MRM2: variants seen among roughly 807,000 people sequenced by gnomAD.
The protein encoded by MRM2 is mitochondrial rRNA methyltransferase 2, also known as rRNA methyltransferase 2, mitochondrial.
In MRM2, 15 loss-of-function variants were observed where a neutral mutation model predicts 10.9. The observed-to-expected ratio is 1.37, with a 90% CI of 0.92 to 2.11. The LOEUF (loss-of-function observed/expected upper bound fraction) is 2.11, where lower values mean the gene tolerates loss of function less well. MRM2 is among the 30% of genes most tolerant of loss of function. MRM2 has a pLI of 0.00. For synonymous variants in MRM2, 139 were observed against 128.7 expected (o/e 1.08, Z -0.54); for missense variants, 328 against 321.3 (o/e 1.02, Z -0.16).
At chr7:2,241,415 G>T (rs1178916723) in intron 1 of MRM2, 1 of 151,736 alleles carries the variant, frequency 6.6e-6, no homozygotes, top group African/African-American at 2.4e-5. Context: ...TGAGTAGCTG[G>T]GACTACAGGT....
intron 2 of MRM2, among the ~76,000 whole-genome samples, chr7:2,235,817 A>G (rs1337152117): frequency 1.3e-5 from 2 of 152,222 alleles, no homozygotes; most frequent in Admixed American, 1.3e-4. Context: ...ATCCTCAGCC[A>G]TGGGCAGACC....
chr7:2,242,062 C>A, intron 1 of MRM2, 100 bp downstream of exon 1: 2 of 1,294,788 alleles, frequency 1.5e-6, no homozygotes, highest in South Asian at 1.3e-5. Flanking sequence ...CGGTGCCCAG[C>A]GCTCGGCACC....
chr7:2,234,904 A>C lies in MRM2; in HGVS notation c.*218T>G. On this transcript the variant is annotated 3_prime_UTR_variant, in exon 3 of 3. Transcript: ENST00000242257. Reference sequence around the variant, plus strand: ...GATAACTTTCTCTTCCCAAATCACAATATAGCGGACTTTTTCATTTTCCAT... The same window carrying C: ...GATAACTTTCTCTTCCCAAATCACACTATAGCGGACTTTTTCATTTTCCAT... 1.8e-6 allele frequency: 1 copy of C among 565,758 alleles called. No individual in the cohort carries two copies. The highest frequency in any genetic ancestry group is 3.1e-6 in the Non-Finnish European group (1 of 319,798). 35.0% of individuals were successfully genotyped at this position (565,758 alleles called of 1,614,324 possible).
In MRM2 at chr7:2,239,429, G is replaced by C; in HGVS notation, c.287C>G (p.Ala96Gly). The C allele has an allele frequency of 6.2e-7, 1 of 1,608,332 alleles. No homozygotes were observed. ...GTGCAGAGGCCCACCTGTGCCTGCG[G>C]CGTTGACCTTCTGCACCGCCACCTG... ...WSQVAVQKVN[A>G]AGTDPSSPVG... Residue 96 changes from alanine (A) to glycine (G), a missense_variant, in exon 2 of 3, where the codon GCC (alanine) becomes GGC (glycine). Coordinates refer to ENST00000242257, the MANE Select transcript of MRM2 (RefSeq NM_013393.3).
rs963641717 is a variant in MRM2, at chr7:2,234,457, A to G, written c.*665T>C. ...GAATGCGTGAATTGCTATATTGTTC[A>G]CCAGAAAGACAGAAGTTAATCCCCA... is the stretch of plus-strand genomic sequence containing the variant. On this transcript the variant is annotated 3_prime_UTR_variant, in exon 3 of 3. Coordinates refer to ENST00000242257, the MANE Select transcript of MRM2 (RefSeq NM_013393.3). The G allele has an allele frequency of 1.0e-4, 16 of 152,508 alleles. No individual in the cohort carries two copies. The highest frequency in any genetic ancestry group is 3.4e-4 in the African/African-American group (14 of 41,454). 9.4% of individuals were successfully genotyped at this position (152,508 alleles called of 1,614,324 possible). A position where few individuals can be genotyped will look rare whatever the true frequency, so the allele number is the denominator to read the frequency against.
intron 1 of MRM2, among the ~76,000 whole-genome samples, chr7:2,240,996 A>ATT (rs34979293): frequency 0.68 from 103,479 of 151,228 alleles, 36,202 homozygotes; most frequent in African/African-American, 0.82. Flanking sequence ...GCACCCAGGC[A>ATT]TTTCTTTCTT....
chr7:2,242,172 G>A lies in MRM2; in HGVS notation c.-3C>T, dbSNP rs1422079537. The A allele has an allele frequency of 2.5e-6, 4 of 1,587,654 alleles. No homozygotes were observed. In the African/African-American group the frequency reaches 4.1e-5, roughly 16 times the overall value. On this transcript the variant is annotated 5_prime_UTR_variant, in exon 1 of 3. Coordinates refer to ENST00000242257, the MANE Select transcript of MRM2 (RefSeq NM_013393.3). ...CAGCGCCCAGCTCACCCCGCCATTG[G>A]TGTTCCCCGCGCCTGCAGCGCGCCG...
Position 2,242,181 on chromosome 7 carries a change from G to A in MRM2, c.-12C>T, listed in dbSNP as rs748368058. 9 of 1,579,380 alleles carry A rather than the reference G, an allele frequency of 5.7e-6. No individual in the cohort carries two copies. The highest frequency in any genetic ancestry group is 2.4e-5 in the East Asian group (1 of 42,356). Reference sequence around the variant, plus strand: ...GCTCACCCCGCCATTGGTGTTCCCCGCGCCTGCAGCGCGCCGCCGGAAGTG... The same window carrying A: ...GCTCACCCCGCCATTGGTGTTCCCCACGCCTGCAGCGCGCCGCCGGAAGTG... On this transcript the variant is annotated 5_prime_UTR_variant, in exon 1 of 3. Transcript: ENST00000242257.
In MRM2 at chr7:2,239,721, A is replaced by C. The variant is rs752460082; in HGVS notation, c.9-14T>G. 9.3e-6 allele frequency: 15 copies of C among 1,607,054 alleles called. No homozygotes were observed. The highest frequency in any genetic ancestry group is 6.7e-5 in the East Asian group (3 of 44,714). On this transcript the variant is annotated splice_polypyrimidine_tract_variant and intron_variant, in intron 1 of 2. Transcript: ENST00000242257. The stretch of plus-strand genomic sequence containing the variant: ...AGCTTCAAGTACCTGGTGGGAGAGA[A>C]GAGGAGCAGGCAGGTTGGCATCACA...
At chr7:2,237,637 A>C (rs1584624979) in intron 2 of MRM2, among the ~76,000 whole-genome samples, 1 of 152,172 alleles carries the variant, frequency 6.6e-6, no homozygotes, top group Admixed American at 6.5e-5. Context: ...TTGAGCTGAA[A>C]AACAATAAAA....
At chr7:2,240,119 G>A (rs1237432167) in intron 1 of MRM2, among the ~76,000 whole-genome samples, 1 of 152,200 alleles carries the variant, frequency 6.6e-6, no homozygotes, top group Non-Finnish European at 1.5e-5. Flanking sequence ...CTACTCGGGA[G>A]GCTGAAGCAG....
chr7:2,238,999 ATATATATATATATATATATATATAT>A (rs1562401633), intron 2 of MRM2: 7 of 79,062 alleles, frequency 8.9e-5, no homozygotes, highest in Non-Finnish European at 1.3e-4. Flanking sequence ...ATATATATAT[ATATATATATATATATATATATATAT>A]ATATAATACA....
chr7:2,241,866 G>C, intron 1 of MRM2: 1 of 401,428 alleles, frequency 2.5e-6, no homozygotes, highest in Non-Finnish European at 4.4e-6. Flanking sequence ...ATCCCGCCCC[G>C]GGCTCGCCCC....
At chr7:2,241,613 CT>C (rs1387406708) in intron 1 of MRM2, among the ~76,000 whole-genome samples, 1 of 152,196 alleles carries the variant, frequency 6.6e-6, no homozygotes, top group Non-Finnish European at 1.5e-5. Context: ...CTATGTCCAT[CT>C]TTCTGATTTA....
intron 1 of MRM2, 144 bp downstream of exon 1, chr7:2,242,018 G>C (rs1049332023): frequency 4.7e-6 from 4 of 847,068 alleles, no homozygotes; most frequent in Non-Finnish European, 6.9e-6. Flanking sequence ...CGGAATCCTG[G>C]CCTCGCCCCT....
rs1794372988 is a variant in MRM2 at position 2,234,306 on chromosome 7, C to A, written c.*816G>T. The A allele has an allele frequency of 6.6e-6, 1 of 152,224 alleles. No individual in the cohort carries two copies. Among genetic ancestry groups the A allele is most frequent in the Non-Finnish European group, 1.5e-5 (1 of 68,036 alleles). The allele number at this position is 152,224 out of a possible 1,614,324, so 9.4% of individuals were successfully genotyped here. Reference sequence around the variant, plus strand: ...ACATCACTGCTTGCTTTGGCAATTACATTTATGTTCTTGGGAGCCCAGACA... The same window carrying A: ...ACATCACTGCTTGCTTTGGCAATTAAATTTATGTTCTTGGGAGCCCAGACA... On this transcript the variant is annotated 3_prime_UTR_variant, in exon 3 of 3. Transcript: ENST00000242257.
rs1276365709 is a variant in MRM2 at position 2,234,801 on chromosome 7, T to C, written c.*321A>G. 1 of 362,288 alleles carries C rather than the reference T, an allele frequency of 2.8e-6. No homozygotes were observed. The highest frequency in any genetic ancestry group is 2.1e-5 in the African/African-American group (1 of 48,012). The allele number at this position is 362,288 out of a possible 1,614,324, so 22.4% of individuals were successfully genotyped here. A position where few individuals can be genotyped will look rare whatever the true frequency, so the allele number is the denominator to read the frequency against. On this transcript the variant is annotated 3_prime_UTR_variant, in exon 3 of 3. Coordinates refer to ENST00000242257, the MANE Select transcript of MRM2 (RefSeq NM_013393.3). ...GTCAAGGCACACATGGGCACACCCA[T>C]CCCTGCCTCGGCGGATTCCTTCTGA... is the stretch of plus-strand genomic sequence containing the variant.
At chr7:2,239,272 C>T in intron 2 of MRM2, 146 bp downstream of exon 2, 1 of 848,420 alleles carries the variant, frequency 1.2e-6, no homozygotes, top group Non-Finnish European at 2.1e-6. Flanking sequence ...CTATTTTTAT[C>T]ATCACCATTG....
In MRM2 at chr7:2,242,164, C is replaced by G. The variant is rs35585276; in HGVS notation, c.6G>C (p.Ala2=). Residue 2 remains alanine, a splice_region_variant and synonymous_variant, in exon 1 of 3, where the codon GCG becomes GCC. Coordinates refer to ENST00000242257, the MANE Select transcript of MRM2 (RefSeq NM_013393.3). ...CGCAGCAGCAGCGCCCAGCTCACCC[C>G]GCCATTGGTGTTCCCCGCGCCTGCA... M[A]GYLKLVCVSF... 3.8e-6 allele frequency: 6 copies of G among 1,589,380 alleles called. No homozygotes were observed. The highest frequency in any genetic ancestry group is 4.6e-5 in the East Asian group (2 of 43,122).
Sources: gnomAD v4.1 joint callset for allele counts (sites outside exome capture counted in the v4.1 genomes callset) on GRCh38, gnomAD v4.1.1 for gene constraint, MANE v1.5 for transcripts, NCBI Gene and HGNC (gene_info 2026-07-23, HGNC 2026-07-21) for gene names.